The following DYNC2I1 variants were observed in gnomAD, a reference collection of about 807,000 sequenced individuals.
DYNC2I1 encodes the protein cytoplasmic dynein 2 intermediate chain 1.
In DYNC2I1, 89 loss-of-function variants were observed where a neutral mutation model predicts 133.4. The ratio of observed to expected loss-of-function variants is 0.67; its 90% confidence interval spans 0.56 to 0.80. DYNC2I1 has a LOEUF of 0.80. DYNC2I1 is among the 30% of genes least tolerant of loss of function. The pLI is 0.00. For synonymous variants in DYNC2I1, 504 were observed against 484.3 expected (o/e 1.04, Z -0.54); for missense variants, 1,291 against 1,314.5 (o/e 0.98, Z 0.28).
At chr7:158,933,468 C>G (rs1850429937) in intron 21 of DYNC2I1, among the ~76,000 whole-genome samples, 1 of 152,146 alleles carries the variant, frequency 6.6e-6, no homozygotes. Context: ...ACTGAGACCC[C>G]TGCACAGGAC....
intron 3 of DYNC2I1, among the ~76,000 whole-genome samples, chr7:158,873,030 A>G (rs183857314): frequency 6.6e-6 from 1 of 152,144 alleles, no homozygotes; most frequent in Admixed American, 6.5e-5. Context: ...TTTTAGACTT[A>G]TTATCTCAAT....
At chr7:158,899,296 A>G (rs1846020525) in intron 8 of DYNC2I1, among the ~76,000 whole-genome samples, 1 of 152,190 alleles carries the variant, frequency 6.6e-6, no homozygotes, top group Non-Finnish European at 1.5e-5. Flanking sequence ...TGTGGAACCC[A>G]CAGATAAGGA....
downstream of DYNC2I1, among the ~76,000 whole-genome samples, chr7:158,946,740 C>G (rs931702580): frequency 8.5e-5 from 13 of 152,234 alleles, no homozygotes; most frequent in Non-Finnish European, 1.8e-4. Context: ...ACAGGAAAAT[C>G]CCAGAATGTG....
chr7:158,906,643 A>C (rs970218860), intron 11 of DYNC2I1, among the ~76,000 whole-genome samples: 1 of 152,040 alleles, frequency 6.6e-6, no homozygotes, highest in Non-Finnish European at 1.5e-5. Flanking sequence ...TTTTTAGTAG[A>C]GACAGGGTTT....
chr7:158,856,757 G>C lies in DYNC2I1; in HGVS notation c.15+7G>C. ...AGCGATGGAGCCCGGGAAGGTCGGT[G>C]CGGCGCTGGGTCTGGGCGAGGGGTG... On this transcript the variant is annotated splice_region_variant and intron_variant, in intron 1 of 24. Transcript: ENST00000407559. 1 of 1,234,724 alleles carries C rather than the reference G, an allele frequency of 8.1e-7. No individual in the cohort carries two copies. Among genetic ancestry groups the C allele is most frequent in the Non-Finnish European group, 1.0e-6 (1 of 986,902 alleles). The allele number at this position is 1,234,724 out of a possible 1,614,324, so 76.5% of individuals were successfully genotyped here. A position where few individuals can be genotyped will look rare whatever the true frequency, so the allele number is the denominator to read the frequency against.
At chr7:158,890,691 A>G (rs528337594) in intron 7 of DYNC2I1, among the ~76,000 whole-genome samples, 2 of 151,846 alleles carry the variant, frequency 1.3e-5, no homozygotes, top group Non-Finnish European at 2.9e-5. Context: ...TTCCTGCCTC[A>G]GCCTCCCAAG....
chr7:158,923,805 A>ATGGATT, intron 17 of DYNC2I1, 72 bp downstream of exon 17: 1 of 1,539,470 alleles, frequency 6.5e-7, no homozygotes, highest in Non-Finnish European at 8.8e-7. Context: ...AAAGCTTTAC[A>ATGGATT]TGGATTTGCA....
intron 20 of DYNC2I1, among the ~76,000 whole-genome samples, chr7:158,928,279 A>T (rs1214770688): frequency 1.3e-5 from 2 of 152,138 alleles, no homozygotes; most frequent in African/African-American, 2.4e-5. Flanking sequence ...TTTGATCTCA[A>T]CTTCTTTCTC....
At chr7:158,901,912 T>G in intron 9 of DYNC2I1, 96 bp downstream of exon 9, 3 of 958,076 alleles carry the variant, frequency 3.1e-6, no homozygotes, top group Middle Eastern at 3.3e-4. Context: ...TTATTCTTTT[T>G]ATTAATCCTA....
At chr7:158,842,182 C>T in the DYNC2I1 span, among the ~76,000 whole-genome samples, 6 of 152,188 alleles carry the variant, frequency 3.9e-5, no homozygotes, top group Admixed American at 3.9e-4. Context: ...GCACCCGCCA[C>T]CATGCCCGGC....
intron 21 of DYNC2I1, among the ~76,000 whole-genome samples, chr7:158,933,013 C>G (rs1447112861): frequency 6.6e-6 from 1 of 152,068 alleles, no homozygotes; most frequent in Non-Finnish European, 1.5e-5. Context: ...TGTGGAGATG[C>G]CCAGGAGCTA....
chr7:158,847,883 G>A, the DYNC2I1 span, among the ~76,000 whole-genome samples: 1 of 152,044 alleles, frequency 6.6e-6, no homozygotes, highest in South Asian at 2.1e-4. Context: ...AAAACTAGAG[G>A]GTATGATGTA....
chr7:158,949,038 G>A (rs1429910322), downstream of DYNC2I1, among the ~76,000 whole-genome samples: 11 of 151,992 alleles, frequency 7.2e-5, no homozygotes, highest in African/African-American at 2.2e-4. Context: ...GCACAGAACC[G>A]GGCAGCCTCT....
At chr7:158,946,439 C>G (rs536810649), downstream of DYNC2I1, among the ~76,000 whole-genome samples, 5 of 152,370 alleles carry the variant, frequency 3.3e-5, no homozygotes, top group African/African-American at 9.6e-5. Flanking sequence ...CCTCCTGTTT[C>G]CTGCAGGTGG....
the DYNC2I1 span, among the ~76,000 whole-genome samples, chr7:158,847,760 C>T: frequency 6.6e-6 from 1 of 152,182 alleles, no homozygotes; most frequent in Non-Finnish European, 1.5e-5. Context: ...TCACTAGCCT[C>T]AGAGCTACCC....
At chr7:158,916,440 G>T (rs77364864) in intron 14 of DYNC2I1, among the ~76,000 whole-genome samples, 2 of 59,514 alleles carry the variant, frequency 3.4e-5, no homozygotes, top group Non-Finnish European at 7.6e-5. Context: ...ATTGTGAAAC[G>T]TCGACACGCT....
chr7:158,865,480 T>C (rs1842324393), intron 1 of DYNC2I1, among the ~76,000 whole-genome samples: 1 of 152,226 alleles, frequency 6.6e-6, no homozygotes, highest in South Asian at 2.1e-4. Flanking sequence ...GAGCTGGTGC[T>C]GGGCAGCCGC....
At chr7:158,868,353 A>G (rs1842592324) in intron 1 of DYNC2I1, among the ~76,000 whole-genome samples, 1 of 152,234 alleles carries the variant, frequency 6.6e-6, no homozygotes, top group South Asian at 2.1e-4. Context: ...CGACATGCTA[A>G]GCAGTGCTGG....
rs942182145 is a variant in DYNC2I1, at chr7:158,914,220, CTGTT to C, written c.1703-11_1703-8del. ...GTCGACTTCGTTGATTTTATATAAACTGTTTTTTTTAGGCAGTGAACAAAGAGAT... is the reference window on the plus strand; with the variant it reads ...GTCGACTTCGTTGATTTTATATAAACTTTTTTAGGCAGTGAACAAAGAGAT... On this transcript the variant is annotated splice_polypyrimidine_tract_variant and intron_variant, in intron 13 of 24. Transcript: ENST00000407559. 1.9e-6 allele frequency: 3 copies of C among 1,600,440 alleles called. No individual in the cohort carries two copies. The highest frequency in any genetic ancestry group is 2.6e-6 in the Non-Finnish European group (3 of 1,172,226).
Sources: allele counts gnomAD v4.1 joint callset (sites outside exome capture counted in the v4.1 genomes callset), GRCh38; gene constraint gnomAD v4.1.1; transcripts MANE v1.5; gene names NCBI Gene and HGNC (gene_info 2026-07-23, HGNC 2026-07-21).